The following ZNF33B variants were observed in gnomAD, a reference collection of about 807,000 sequenced individuals.
The protein encoded by ZNF33B is zinc finger protein 11b (KOX 2).
A neutral mutation model predicts 45.8 loss-of-function variants in ZNF33B; 29 were observed. The ratio of observed to expected loss-of-function variants is 0.63; its 90% CI spans 0.47 to 0.86. The LOEUF is 0.86. ZNF33B is among the 40% of genes least tolerant of loss of function. ZNF33B has a pLI of 0.00. For missense variants in ZNF33B, 831 were observed against 909.9 expected, an observed-to-expected ratio of 0.91 and a Z score of 1.12; for synonymous variants, 305 against 307.8, an observed-to-expected ratio of 0.99 and a Z score of 0.10.
In ZNF33B at chr10:42,579,119, A is replaced by G. The variant is rs545986749; in HGVS notation, c.74-4441T>C. ...GATATAAACACTGGGACTCAGCTAC[A>G]TGCCACCCTCCTACCACATCATGGT... is the stretch of plus-strand genomic sequence containing the variant. On this transcript the variant is annotated intron_variant, in intron 1 of 1. Transcript: ENST00000462075. 3.3e-5 allele frequency among the ~76,000 whole-genome samples: 5 copies of G among 152,232 alleles called. No individual in the cohort carries two copies. The South Asian group carries it at 8.3e-4, about 25-fold the overall frequency.
At chr10:42,597,136 A>G (rs1190592980) in intron 4 of ZNF33B, among the ~76,000 whole-genome samples, 2 of 152,040 alleles carry the variant, frequency 1.3e-5, no homozygotes, top group Non-Finnish European at 2.9e-5. Flanking sequence ...AATTTTGTCA[A>G]ATGCTTTCTC....
intron 4 of ZNF33B, among the ~76,000 whole-genome samples, chr10:42,597,766 A>T (rs1415433568): frequency 6.6e-6 from 1 of 152,172 alleles, no homozygotes; most frequent in African/African-American, 2.4e-5. Context: ...GTATATATAG[A>T]CAAAGACTGG....
chr10:42,632,482 G>C (rs1385863480), intron 2 of ZNF33B, 43 bp from the exon 3 acceptor site: 2 of 1,590,282 alleles, frequency 1.3e-6, no homozygotes, highest in Admixed American at 3.8e-5. Flanking sequence ...AGAAGTATGG[G>C]CTAATCCTTA....
chr10:42,588,285 A>T (rs1437536061), downstream of ZNF33B, among the ~76,000 whole-genome samples: 1 of 152,208 alleles, frequency 6.6e-6, no homozygotes, highest in Non-Finnish European at 1.5e-5. Context: ...TTAGGATGGG[A>T]AGAGATGTGA....
intron 4 of ZNF33B, among the ~76,000 whole-genome samples, chr10:42,628,173 G>A (rs1838895203): frequency 6.6e-6 from 1 of 152,112 alleles, no homozygotes; most frequent in South Asian, 2.1e-4. Context: ...GCGCCACCAT[G>A]CCTGGCTAAT....
chr10:42,637,934 G>A (rs563934433), intron 1 of ZNF33B, among the ~76,000 whole-genome samples: 5 of 152,318 alleles, frequency 3.3e-5, no homozygotes, highest in Non-Finnish European at 5.9e-5. Flanking sequence ...TTACAGGAGA[G>A]AGCCACCGCG....
chr10:42,576,998 T>TG (rs1272692646), intron 1 of ZNF33B, among the ~76,000 whole-genome samples: 6 of 151,982 alleles, frequency 3.9e-5, no homozygotes, highest in Non-Finnish European at 8.8e-5. Context: ...CCAGCTGTGG[T>TG]GGCAGGCGCC....
intron 4 of ZNF33B, among the ~76,000 whole-genome samples, chr10:42,627,201 A>G (rs2473115): frequency 0.28 from 42,524 of 152,026 alleles, 7,260 homozygotes; most frequent in Non-Finnish European, 0.39. Context: ...ACGGAGTTTC[A>G]CCATGTTGGC....
intron 4 of ZNF33B, among the ~76,000 whole-genome samples, chr10:42,625,593 C>A (rs535200564): frequency 2.1e-4 from 32 of 152,332 alleles, no homozygotes; most frequent in Admixed American, 3.3e-4. Context: ...AATTCTCCTG[C>A]CTCCCAAGTA....
downstream of ZNF33B, among the ~76,000 whole-genome samples, chr10:42,587,288 C>T (rs1467009084): frequency 1.3e-5 from 2 of 152,178 alleles, no homozygotes; most frequent in Non-Finnish European, 2.9e-5. Context: ...CAACATCCGC[C>T]TCCTGGATTC....
At chr10:42,579,182 T>A (rs568391213) in intron 1 of ZNF33B, among the ~76,000 whole-genome samples, 2 of 152,302 alleles carry the variant, frequency 1.3e-5, no homozygotes, top group East Asian at 3.9e-4. Flanking sequence ...AACACCTTTA[T>A]CTTTTTTTGA....
intron 4 of ZNF33B, among the ~76,000 whole-genome samples, chr10:42,607,010 T>A (rs937018724): frequency 6.6e-6 from 1 of 152,162 alleles, no homozygotes; most frequent in Non-Finnish European, 1.5e-5. Context: ...ATGTTGAGCA[T>A]GTTGGCACTC....
At chr10:42,608,211 C>A (rs1837947202) in intron 4 of ZNF33B, among the ~76,000 whole-genome samples, 1 of 152,088 alleles carries the variant, frequency 6.6e-6, no homozygotes, top group South Asian at 2.1e-4. Flanking sequence ...GTAGCAAAAA[C>A]TGACAGAATT....
At chr10:42,626,685 CTAAATAAATAAATAAA>C (rs34210822) in intron 4 of ZNF33B, among the ~76,000 whole-genome samples, 6 of 142,382 alleles carry the variant, frequency 4.2e-5, no homozygotes, top group East Asian at 2.1e-4. Context: ...AAGACTCCAT[CTAAATAAATAAATAAA>C]TAAATAAATA....
chr10:42,616,770 A>ACTGCAACCTCCGCCTCC (rs1428665291), intron 4 of ZNF33B, among the ~76,000 whole-genome samples: 3 of 152,104 alleles, frequency 2.0e-5, no homozygotes, highest in Non-Finnish European at 4.4e-5. Flanking sequence ...ATTTCGGCTC[A>ACTGCAACCTCCGCCTCC]CTGCAACCTC....
chr10:42,607,775 T>G (rs977514936), intron 4 of ZNF33B, among the ~76,000 whole-genome samples: 1 of 152,048 alleles, frequency 6.6e-6, no homozygotes, highest in Non-Finnish European at 1.5e-5. Context: ...TTGTAAATCC[T>G]GAAAATACAA....
intron 2 of ZNF33B, among the ~76,000 whole-genome samples, chr10:42,635,475 G>C (rs112590895): frequency 2.2e-3 from 340 of 152,240 alleles, no homozygotes; most frequent in African/African-American, 7.8e-3. Context: ...AATTCATTAA[G>C]TTCTATATTT....
At chr10:42,623,675 G>C (rs158377) in intron 4 of ZNF33B, among the ~76,000 whole-genome samples, 1 of 151,944 alleles carries the variant, frequency 6.6e-6, no homozygotes, top group South Asian at 2.1e-4. Context: ...CTGTTGGGAG[G>C]GGGGAATGAG....
chr10:42,593,240 T>C lies in ZNF33B; in HGVS notation c.1710A>G (p.Gln570=), dbSNP rs1399923926. Residue 570 remains glutamine (Q), a synonymous_variant, in exon 5 of 5, where the codon CAA becomes CAG. Coordinates refer to ENST00000359467, the MANE Select transcript of ZNF33B (RefSeq NM_006955.3). ...TCTCCCCCGTGTGTGTTCTATAATG[T>C]TGAGAGAGGGTTGACTTATGGCTAA... ...KFFSHKSTLS[Q]HYRTHTGEKP... The C allele has an allele frequency of 2.5e-6, 4 of 1,613,852 alleles. No individual in the cohort carries two copies. The highest frequency in any genetic ancestry group is 3.4e-6 in the Non-Finnish European group (4 of 1,179,974).
Sources: allele counts gnomAD v4.1 joint callset (sites outside exome capture counted in the v4.1 genomes callset), GRCh38; gene constraint gnomAD v4.1.1; transcripts MANE v1.5; gene names NCBI Gene and HGNC (gene_info 2026-07-23, HGNC 2026-07-21).